The following C4orf51 variants were observed in gnomAD, a reference collection of about 807,000 sequenced individuals.
C4orf51 encodes chromosome 4 open reading frame 51, also known as uncharacterized protein C4orf51.
In C4orf51, 25 loss-of-function variants were observed where a neutral mutation model predicts 25.2. The ratio of observed to expected loss-of-function variants is 0.99; its 90% CI spans 0.72 to 1.39. C4orf51 has a LOEUF of 1.39. Among genes scored for constraint, C4orf51 ranks in the 40% most tolerant of loss-of-function variants. The pLI is 0.00. For missense variants in C4orf51, 252 were observed against 239.6 expected, an observed-to-expected ratio of 1.05 and a Z score of -0.34; for synonymous variants, 100 against 84.5, an observed-to-expected ratio of 1.18 and a Z score of -1.01.
intron 2 of C4orf51, among the ~76,000 whole-genome samples, chr4:145,703,913 G>C (rs1730628357): frequency 6.6e-6 from 1 of 152,220 alleles, no homozygotes. Context: ...TCACTGATGT[G>C]AGGCAGAGTG....
downstream of C4orf51, chr4:145,774,718 A>C (rs1222668987): frequency 3.2e-6 from 5 of 1,587,092 alleles, no homozygotes; most frequent in Non-Finnish European, 4.3e-6. Context: ...AAAGGGTGAC[A>C]CATACTTCTA....
At chr4:145,751,340 C>G (rs1733662369) in intron 1 of C4orf51, among the ~76,000 whole-genome samples, 1 of 152,146 alleles carries the variant, frequency 6.6e-6, no homozygotes, top group Non-Finnish European at 1.5e-5. Context: ...TAATTTGTAT[C>G]TGCATTACGG....
intron 2 of C4orf51, among the ~76,000 whole-genome samples, chr4:145,703,498 G>A (rs1000629942): frequency 5.9e-5 from 9 of 152,130 alleles, no homozygotes; most frequent in African/African-American, 1.9e-4. Flanking sequence ...ACACGGACGC[G>A]CATGAAACTC....
chr4:145,740,163 T>C lies in C4orf51; in HGVS notation n.167+7544T>C, dbSNP rs1186977520. On this transcript the variant is annotated intron_variant and non_coding_transcript_variant, in intron 1 of 1. Transcript: ENST00000508981. ...TCTGGAATGTAAAGTTTCCTTCACTTTGTATGTAACTAGGGCTCTATCTGT... is the reference window on the plus strand; with the variant it reads ...TCTGGAATGTAAAGTTTCCTTCACTCTGTATGTAACTAGGGCTCTATCTGT... Among the ~76,000 whole-genome samples the C allele has an allele frequency of 5.4e-5, 8 of 148,222 alleles. No individual in the cohort carries two copies. The Admixed American group carries it at 5.5e-4, about 10-fold the overall frequency.
chr4:145,681,365 A>G (rs1401381831), intron 1 of C4orf51, among the ~76,000 whole-genome samples: 8 of 152,234 alleles, frequency 5.3e-5, no homozygotes, highest in African/African-American at 1.9e-4. Flanking sequence ...CAAATCATCA[A>G]AACAAGTACT....
chr4:145,699,081 C>A (rs553208551), intron 2 of C4orf51, among the ~76,000 whole-genome samples: 11 of 151,756 alleles, frequency 7.2e-5, no homozygotes, highest in African/African-American at 2.7e-4. Flanking sequence ...AACCCCCACT[C>A]CTGCCCGCCA....
At chr4:145,722,538 T>C (rs1731795788) in intron 2 of C4orf51, among the ~76,000 whole-genome samples, 1 of 152,208 alleles carries the variant, frequency 6.6e-6, no homozygotes, top group Non-Finnish European at 1.5e-5. Context: ...TAAAAATCTG[T>C]CATGAAAGAG....
chr4:145,772,202 T>C (rs1736399373), downstream of C4orf51, among the ~76,000 whole-genome samples: 1 of 152,216 alleles, frequency 6.6e-6, no homozygotes, highest in Admixed American at 6.5e-5. Flanking sequence ...AATATATTCA[T>C]TCACTGAAGG....
intron 3 of C4orf51, among the ~76,000 whole-genome samples, chr4:145,727,540 T>G (rs1732129282): frequency 6.6e-6 from 1 of 152,084 alleles, no homozygotes; most frequent in African/African-American, 2.4e-5. Flanking sequence ...CGATTTTTAA[T>G]GGATACGTAA....
intron 2 of C4orf51, among the ~76,000 whole-genome samples, chr4:145,708,599 G>A (rs1006425927): frequency 2.0e-5 from 3 of 152,162 alleles, no homozygotes; most frequent in African/African-American, 7.2e-5. Context: ...TTATGCACTT[G>A]GGAACAGAGG....
At chr4:145,732,356 G>T (rs370230580) in intron 5 of C4orf51, 97 bp from the exon 6 acceptor site, 2 of 703,486 alleles carry the variant, frequency 2.8e-6, no homozygotes. Context: ...GCTCATGAAT[G>T]ATGTCTGGTT....
chr4:145,772,919 G>A (rs1736501144), downstream of C4orf51, among the ~76,000 whole-genome samples: 1 of 152,182 alleles, frequency 6.6e-6, no homozygotes, highest in Non-Finnish European at 1.5e-5. Flanking sequence ...CTGGTTAGTT[G>A]TGAAGTTTCC....
chr4:145,735,752 T>A (rs1732771112), downstream of C4orf51, among the ~76,000 whole-genome samples: 2 of 152,250 alleles, frequency 1.3e-5, no homozygotes, highest in South Asian at 4.1e-4. Flanking sequence ...ATTGAAAAGC[T>A]ATGGTGACTA....
rs1448866275 is a variant in C4orf51 at position 145,761,106 on chromosome 4, C to G, written n.167-9882C>G. ...GGGGAGACAGGAGATTCCGGGAGCT[C>G]CCGACCACCAGGAGCGGGGCCCCCG... On this transcript the variant is annotated intron_variant and non_coding_transcript_variant, in intron 1 of 1. Transcript: ENST00000510096. The surrounding 1 kb of genome is among the most constrained non-coding windows in gnomAD (Gnocchi z 6.8). 8.5e-6 allele frequency: 11 copies of G among 1,289,468 alleles called. No individual in the cohort carries two copies. Among genetic ancestry groups the G allele is most frequent in the Non-Finnish European group, 1.1e-5 (11 of 988,728 alleles). The allele number at this position is 1,289,468 out of a possible 1,614,324, so 79.9% of individuals were successfully genotyped here.
intron 1 of C4orf51, among the ~76,000 whole-genome samples, chr4:145,744,309 G>A (rs6818123): frequency 0.19 from 28,943 of 151,966 alleles, 3,763 homozygotes; most frequent in East Asian, 0.67. Flanking sequence ...TGATGAGGGT[G>A]GCAATGGATT....
At chr4:145,752,602 C>T (rs774105598) in intron 1 of C4orf51, among the ~76,000 whole-genome samples, 1 of 152,202 alleles carries the variant, frequency 6.6e-6, no homozygotes, top group Non-Finnish European at 1.5e-5. Context: ...GTAAGCTGTA[C>T]TGCCTGGGGT....
chr4:145,729,844 A>T, intron 4 of C4orf51, 48 bp from the exon 5 acceptor site: 4 of 1,491,984 alleles, frequency 2.7e-6, no homozygotes, highest in Non-Finnish European at 3.7e-6. Flanking sequence ...CTTATGGTAG[A>T]CTCTCTTTAT....
chr4:145,766,653 C>CT (rs1735348575), intron 1 of C4orf51, among the ~76,000 whole-genome samples: 1 of 152,056 alleles, frequency 6.6e-6, no homozygotes, highest in Non-Finnish European at 1.5e-5. Context: ...GAGGGTCCCC[C>CT]TTGAGTATTC....
At chr4:145,775,442 A>T (rs1207085282), downstream of C4orf51, among the ~76,000 whole-genome samples, 1 of 151,642 alleles carries the variant, frequency 6.6e-6, no homozygotes. Context: ...TTTTTTTTAA[A>T]CAATTCTTAG....
Sources: allele counts gnomAD v4.1 joint callset (sites outside exome capture counted in the v4.1 genomes callset), GRCh38; gene constraint gnomAD v4.1.1; non-coding constraint Gnocchi (gnomAD v3.1); transcripts MANE v1.5; gene names NCBI Gene and HGNC (gene_info 2026-07-23, HGNC 2026-07-21).